MACF1: variants seen among roughly 807,000 people sequenced by gnomAD.
MACF1 encodes the protein microtubule actin crosslinking factor 1, also known as microtubule-actin cross-linking factor 1.
A neutral mutation model predicts 854.8 loss-of-function variants in MACF1; 193 were observed. The observed-to-expected ratio is 0.23, with a 90% confidence interval of 0.20 to 0.25. The LOEUF is 0.25. Ranked by LOEUF, MACF1 falls within the 10% of genes least tolerant of loss-of-function variation. MACF1 has a pLI of 1.00. For missense variants in MACF1, 7,722 were observed against 8,929.1 expected, an observed-to-expected ratio of 0.86 and a Z score of 5.45; for synonymous variants, 3,185 against 3,226.7, an observed-to-expected ratio of 0.99 and a Z score of 0.44.
intron 31 of MACF1, among the ~76,000 whole-genome samples, chr1:39,321,064 C>T (rs577520688): frequency 9.1e-4 from 138 of 152,304 alleles, no homozygotes; most frequent in Admixed American, 2.7e-3. Context: ...CAAAGTTTTT[C>T]CTGACTTGTT....
intron 2 of MACF1, among the ~76,000 whole-genome samples, chr1:39,233,577 G>T (rs1046178304): frequency 6.6e-6 from 1 of 151,936 alleles, no homozygotes; most frequent in African/African-American, 2.4e-5. Context: ...TAAACCGTGG[G>T]TAAGGAGGTG....
At chr1:39,361,772 A>G in intron 49 of MACF1, 95 bp downstream of exon 49, 1 of 1,110,742 alleles carries the variant, frequency 9.0e-7, no homozygotes, top group Non-Finnish European at 1.3e-6. Flanking sequence ...CAGTCAGTAT[A>G]CTGGAAACTA....
intron 35 of MACF1, among the ~76,000 whole-genome samples, chr1:39,326,250 G>A (rs1646607151): frequency 6.6e-6 from 1 of 152,176 alleles, no homozygotes; most frequent in Non-Finnish European, 1.5e-5. Flanking sequence ...GAAACATAAT[G>A]TGGAATGAAA....
intron 96 of MACF1, among the ~76,000 whole-genome samples, chr1:39,469,189 A>C (rs1206820527): frequency 3.3e-5 from 5 of 152,166 alleles, no homozygotes; most frequent in Non-Finnish European, 7.3e-5. Context: ...AGACACCTAC[A>C]TGTGAGCCCA....
intron 23 of MACF1, chr1:39,304,602 C>T (rs1411835153): frequency 9.0e-5 from 60 of 669,638 alleles, no homozygotes; most frequent in Non-Finnish European, 1.3e-4. Flanking sequence ...CTTGCTCTGT[C>T]GCTCAGGCTG....
At chr1:39,406,714 G>A (rs939517613) in intron 58 of MACF1, among the ~76,000 whole-genome samples, 9 of 113,794 alleles carry the variant, frequency 7.9e-5, no homozygotes, top group Admixed American at 5.2e-4. Context: ...CAGTCTAGGC[G>A]ACAGAGTGAG....
chr1:39,220,720 A>G (rs1467991876), intron 1 of MACF1, among the ~76,000 whole-genome samples: 1 of 151,646 alleles, frequency 6.6e-6, no homozygotes, highest in Non-Finnish European at 1.5e-5. Flanking sequence ...CCGGACCTCA[A>G]GTGATCCACC....
chr1:39,106,767 TGAA>T (rs918744012), intron 2 of MACF1, among the ~76,000 whole-genome samples: 13 of 151,706 alleles, frequency 8.6e-5, no homozygotes, highest in Non-Finnish European at 1.8e-4. Context: ...GGGAAACTAA[TGAA>T]GAAGCTGTAA....
chr1:39,337,188 T>C lies in MACF1; in HGVS notation c.10072T>C (p.Phe3358Leu). The C allele has an allele frequency of 2.5e-6, 4 of 1,612,688 alleles. No homozygotes were observed. The highest frequency in any genetic ancestry group is 3.4e-6 in the Non-Finnish European group (4 of 1,179,372). ...PEPFRATQNV[F>L]TRQLCLEHDE... is the part of the protein sequence containing the mutation. ...TTTCTTTTTGGCTCCACAGAATGTA[T>C]TTACCCGGCAACTCTGTTTAGAACA... is the stretch of plus-strand genomic sequence containing the variant. Residue 3358 changes from phenylalanine (F) to leucine (L), a missense_variant, in exon 38 of 101, where the codon TTT (phenylalanine) becomes CTT (leucine). Phe to Leu is a conservative substitution (Grantham distance 22, BLOSUM62 0). Around this residue, in one of 15 missense-constraint regions of MACF1, gnomAD observed 854 missense variants for 852.6 expected, o/e 1.00. Coordinates refer to ENST00000564288, the MANE Select transcript of MACF1 (RefSeq NM_001394062.1).
chr1:39,315,758 A>G lies in MACF1; in HGVS notation c.3449+67A>G, dbSNP rs1646400499. The G allele has an allele frequency of 7.5e-6, 11 of 1,463,230 alleles. No individual in the cohort carries two copies. In the South Asian group the frequency reaches 1.1e-4, roughly 14 times the overall value. The allele number at this position is 1,463,230 out of a possible 1,614,324, so 90.6% of individuals were successfully genotyped here. A position where few individuals can be genotyped will look rare whatever the true frequency, so the allele number is the denominator to read the frequency against. ...ATTGGGATAAGAAAGAGAAAGGCTT[A>G]AAGTATTTCATGAATAATACAGAGA... On this transcript the variant is annotated intron_variant, in intron 27 of 100. Coordinates refer to ENST00000564288, the MANE Select transcript of MACF1 (RefSeq NM_001394062.1).
intron 58 of MACF1, chr1:39,411,783 A>C: frequency 6.2e-7 from 1 of 1,613,780 alleles, no homozygotes; most frequent in Admixed American, 1.7e-5. Context: ...ATTTACTCGT[A>C]ATTAGTCATT....
chr1:39,391,242 A>G (rs1056613040), intron 58 of MACF1, among the ~76,000 whole-genome samples: 4 of 152,172 alleles, frequency 2.6e-5, no homozygotes, highest in African/African-American at 4.8e-5. Context: ...GTGCAGGTTA[A>G]CATTATTTAA....
chr1:39,418,347 G>A (rs762712894), intron 58 of MACF1, among the ~76,000 whole-genome samples: 5 of 152,116 alleles, frequency 3.3e-5, no homozygotes, highest in Non-Finnish European at 7.3e-5. Context: ...ACGTAGCTTT[G>A]AAACTCAGAG....
At chr1:39,314,357 T>C (rs1366412555) in intron 26 of MACF1, among the ~76,000 whole-genome samples, 1 of 151,658 alleles carries the variant, frequency 6.6e-6, no homozygotes, top group Non-Finnish European at 1.5e-5. Context: ...TGCAGTGAGC[T>C]GAGATCGTGC....
At chr1:39,197,411 CTTTGGA>C (rs1644333453) in intron 2 of MACF1, among the ~76,000 whole-genome samples, 1 of 152,086 alleles carries the variant, frequency 6.6e-6, no homozygotes, top group Admixed American at 6.6e-5. Flanking sequence ...TATTTGAGTA[CTTTGGA>C]TTTTTTCCCC....
Position 39,205,141 on chromosome 1 carries a change from T to C in MACF1, c.109+10T>C. ...GCCAGAGGTAGAGCAGGTAACTAAC[T>C]GGTACCCAGTTATTCTTTAAATCTA... On this transcript the variant is annotated intron_variant, in intron 1 of 100. Transcript: ENST00000564288. 2 of 702,994 alleles carry C rather than the reference T, an allele frequency of 2.8e-6. No homozygotes were observed. The highest frequency in any genetic ancestry group is 3.0e-5 in the South Asian group (2 of 67,602). 43.5% of individuals were successfully genotyped at this position (702,994 alleles called of 1,614,324 possible). A position where few individuals can be genotyped will look rare whatever the true frequency, so the allele number is the denominator to read the frequency against.
intron 2 of MACF1, among the ~76,000 whole-genome samples, chr1:39,183,860 C>T (rs1447022697): frequency 6.6e-6 from 1 of 152,186 alleles, no homozygotes; most frequent in Non-Finnish European, 1.5e-5. Context: ...CTCTGGGTGG[C>T]ACCCTGCCCC....
Position 39,360,937 on chromosome 1 carries a change from T to C in MACF1, c.12389T>C (p.Leu4130Pro), listed in dbSNP as rs765867818. The C allele has an allele frequency of 6.2e-7, 1 of 1,614,004 alleles. No homozygotes were observed. Among genetic ancestry groups the C allele is most frequent in the South Asian group, 1.1e-5 (1 of 91,080 alleles). Reference sequence around the variant, plus strand: ...TCTATTGGGGAAGTTGAACAAAACCTGGAAGGGAAGCAGGTGTCATCACTC... The same window carrying C: ...TCTATTGGGGAAGTTGAACAAAACCCGGAAGGGAAGCAGGTGTCATCACTC... ...LQSIGEVEQN[L>P]EGKQVSSLSS... The change falls in exon 48 of 101, where the codon CTG becomes CCG. Residue 4130 changes from leucine (L) to proline (P), a missense_variant. This residue lies in a region of MACF1 where 2,807 missense variants were observed against 3,235.8 expected (regional missense o/e 0.87). Transcript: ENST00000564288.
At chr1:39,146,698 G>A (rs951006662) in intron 2 of MACF1, among the ~76,000 whole-genome samples, 1 of 152,006 alleles carries the variant, frequency 6.6e-6, no homozygotes, top group African/African-American at 2.4e-5. Flanking sequence ...CCAGAAGTTG[G>A]GAAGGGGGGA....
Sources: allele counts gnomAD v4.1 joint callset (sites outside exome capture counted in the v4.1 genomes callset), GRCh38; gene constraint gnomAD v4.1.1; regional missense constraint gnomAD v4.1.1; transcripts MANE v1.5; gene names NCBI Gene and HGNC (gene_info 2026-07-23, HGNC 2026-07-21).